The following KLF17 variants were observed in gnomAD, a reference collection of about 807,000 sequenced individuals.
KLF17 encodes Krueppel-like factor 17.
A neutral mutation model predicts 34.2 loss-of-function variants in KLF17; 31 were observed. The observed-to-expected ratio is 0.91, with a 90% confidence interval of 0.68 to 1.22. The LOEUF is 1.22. Ranked by LOEUF, KLF17 falls within the 50% of genes most tolerant of loss-of-function variation. The pLI is 0.00. For missense variants in KLF17, 478 were observed against 505.2 expected, an observed-to-expected ratio of 0.95 and a Z score of 0.52; for synonymous variants, 179 against 186.7, an observed-to-expected ratio of 0.96 and a Z score of 0.34.
intron 1 of KLF17, among the ~76,000 whole-genome samples, chr1:44,124,277 T>A (rs1011954435): frequency 6.6e-6 from 1 of 151,762 alleles, no homozygotes; most frequent in African/African-American, 2.4e-5. Flanking sequence ...TTGTTTGATT[T>A]TTTTTTTTGT....
chr1:44,072,525 A>AAAATAAATAAATAAATAAAT, the KLF17 span, among the ~76,000 whole-genome samples: 3 of 150,766 alleles, frequency 2.0e-5, no homozygotes, highest in Middle Eastern at 3.4e-3. Flanking sequence ...TGTCTCTACA[A>AAAATAAATAAATAAATAAAT]AAATAAATAA....
chr1:44,124,590 G>A (rs1023335858), intron 1 of KLF17, among the ~76,000 whole-genome samples: 2 of 151,804 alleles, frequency 1.3e-5, no homozygotes, highest in African/African-American at 4.8e-5. Flanking sequence ...CGCCCCCGGG[G>A]TTCACGCCAT....
chr1:44,117,401 A>G (rs189464566), upstream of KLF17: 2 of 151,078 alleles, frequency 1.3e-5, no homozygotes, highest in East Asian at 3.9e-4. Flanking sequence ...CCATGACCAA[A>G]CACTGACATC....
At chr1:44,058,313 G>A in the KLF17 span, among the ~76,000 whole-genome samples, 3 of 151,950 alleles carry the variant, frequency 2.0e-5, no homozygotes, top group East Asian at 1.9e-4. Flanking sequence ...TTTTTGAGAC[G>A]GAGTCTTGCT....
intron 1 of KLF17, chr1:44,122,209 T>G (rs1571985323): frequency 6.2e-7 from 1 of 1,602,338 alleles, no homozygotes; most frequent in East Asian, 2.2e-5. Context: ...CCTCTTCCTC[T>G]GCCTCTGCCT....
chr1:44,076,756 G>T, the KLF17 span: 1 of 149,888 alleles, frequency 6.7e-6, no homozygotes, highest in East Asian at 2.0e-4. Context: ...ACAGAATCTT[G>T]CTCTGTTGCC....
the KLF17 span, among the ~76,000 whole-genome samples, chr1:44,079,045 TC>T: frequency 1.3e-5 from 2 of 152,028 alleles, no homozygotes; most frequent in African/African-American, 2.4e-5. Context: ...AGTATGTTCT[TC>T]CTCCATTTTA....
chr1:44,093,718 C>T, the KLF17 span, among the ~76,000 whole-genome samples: 1 of 152,130 alleles, frequency 6.6e-6, no homozygotes, highest in Non-Finnish European at 1.5e-5. Context: ...TAAAAAGTGT[C>T]TTGATGTTCA....
chr1:44,118,737 G>A (rs2087908624), upstream of KLF17: 2 of 482,176 alleles, frequency 4.1e-6, no homozygotes, highest in Admixed American at 4.1e-5. Context: ...GCAGGGCTGC[G>A]AGGGCGGCGC....
chr1:44,120,463 G>A (rs912039371), intron 1 of KLF17, among the ~76,000 whole-genome samples: 5 of 152,212 alleles, frequency 3.3e-5, no homozygotes, highest in South Asian at 2.1e-4. Flanking sequence ...GTGTTAGAGA[G>A]GCCAAGCATT....
chr1:44,125,771 A>G (rs1024081222), intron 1 of KLF17, among the ~76,000 whole-genome samples: 9 of 151,542 alleles, frequency 5.9e-5, no homozygotes, highest in Non-Finnish European at 1.2e-4. Flanking sequence ...CCTGGCCTCA[A>G]CTGTTTTATT....
chr1:44,053,447 T>C, the KLF17 span, among the ~76,000 whole-genome samples: 15 of 151,950 alleles, frequency 9.9e-5, no homozygotes, highest in African/African-American at 3.4e-4. Context: ...GCCTCTCCAG[T>C]CCCCTAGTTC....
chr1:44,106,507 A>C, the KLF17 span: 1 of 152,220 alleles, frequency 6.6e-6, no homozygotes, highest in Non-Finnish European at 1.5e-5. Context: ...AGATTCATAA[A>C]GAAGTCTAAG....
chr1:44,104,046 G>T, the KLF17 span: 1 of 869,292 alleles, frequency 1.2e-6, no homozygotes. Context: ...CAGCACCACA[G>T]ACGTGGCGGA....
chr1:44,127,187 G>A (rs1557731408), intron 1 of KLF17, among the ~76,000 whole-genome samples: 1 of 151,906 alleles, frequency 6.6e-6, no homozygotes, highest in Non-Finnish European at 1.5e-5. Context: ...AGGATCATAG[G>A]CATGAGCCAC....
intron 1 of KLF17, among the ~76,000 whole-genome samples, chr1:44,127,639 C>CTTCTTTCTTTCTTTCTTTCT (rs34643385): frequency 1.0e-4 from 8 of 77,342 alleles, no homozygotes; most frequent in African/African-American, 3.1e-4. Context: ...CTTTTCTTTC[C>CTTCTTTCTTTCTTTCTTTCT]TTCTTTCTTT....
chr1:44,097,176 C>A, the KLF17 span, among the ~76,000 whole-genome samples: 1 of 152,150 alleles, frequency 6.6e-6, no homozygotes, highest in South Asian at 2.1e-4. Context: ...TTCCATTGGT[C>A]TATATATCTG....
chr1:44,113,982 T>C (rs565206677), upstream of KLF17: 10 of 152,372 alleles, frequency 6.6e-5, no homozygotes, highest in South Asian at 2.1e-4. Flanking sequence ...TTCCCAGGCC[T>C]AGGTGTGTGT....
intron 1 of KLF17, among the ~76,000 whole-genome samples, chr1:44,125,883 G>A (rs1287172353): frequency 6.6e-6 from 1 of 152,148 alleles, no homozygotes; most frequent in East Asian, 1.9e-4. Context: ...AGTGGGAAGG[G>A]GAGGGGGTTG....
Sources: gnomAD v4.1 joint callset for allele counts (sites outside exome capture counted in the v4.1 genomes callset) on GRCh38, gnomAD v4.1.1 for gene constraint, MANE v1.5 for transcripts, NCBI Gene and HGNC (gene_info 2026-07-23, HGNC 2026-07-21) for gene names.